Variants in UFL1 observed in about 807,000 individuals in gnomAD.
UFL1 encodes UFM1 specific ligase 1, also known as E3 UFM1-protein ligase 1.
A neutral mutation model predicts 99.3 loss-of-function variants in UFL1; 78 were observed. That is an observed-to-expected ratio of 0.79 (90% CI 0.65 to 0.95). The LOEUF (loss-of-function observed/expected upper bound fraction) is 0.95. Among genes scored for constraint, UFL1 ranks in the 40% least tolerant of loss-of-function variants. The pLI is 0.00. For synonymous variants in UFL1, 335 were observed against 322.2 expected (o/e 1.04, Z -0.42); for missense variants, 936 against 937.0 (o/e 1.00, Z 0.01).
intron 10 of UFL1, 96 bp downstream of exon 10, chr6:96,538,906 A>C: frequency 9.5e-7 from 1 of 1,054,500 alleles, no homozygotes; most frequent in Non-Finnish European, 1.3e-6. Flanking sequence ...GAAAGTGAAC[A>C]CTTTGTATCA....
At chr6:96,551,390 G>C (rs1770077317) in intron 15 of UFL1, 43 bp from the exon 16 acceptor site, 1 of 1,110,146 alleles carries the variant, frequency 9.0e-7, no homozygotes, top group Non-Finnish European at 1.3e-6. Context: ...TCCATTGCAT[G>C]TCAAAAGCAC....
intron 3 of UFL1, 92 bp from the exon 4 acceptor site, chr6:96,525,205 A>G: frequency 9.7e-7 from 1 of 1,027,962 alleles, no homozygotes; most frequent in Non-Finnish European, 1.4e-6. Context: ...CCTGGCCGGC[A>G]ATTTCTTTAA....
chr6:96,541,148 C>A (rs532822331), intron 11 of UFL1, among the ~76,000 whole-genome samples: 127 of 151,508 alleles, frequency 8.4e-4, no homozygotes, highest in Non-Finnish European at 1.5e-3. Flanking sequence ...CAGTCACTCT[C>A]TGCCACCTCA....
intron 4 of UFL1, 73 bp downstream of exon 4, chr6:96,525,467 A>C: frequency 8.6e-7 from 1 of 1,162,904 alleles, no homozygotes; most frequent in Non-Finnish European, 1.3e-6. Context: ...GTTTAAATTT[A>C]GGCCAATTAT....
intron 17 of UFL1, 63 bp from the exon 18 acceptor site, chr6:96,552,419 T>C: frequency 1.4e-6 from 2 of 1,461,252 alleles, no homozygotes; most frequent in Non-Finnish European, 9.0e-7. Flanking sequence ...AAGGGATGAA[T>C]TGAAATTGGT....
At chr6:96,549,622 T>C (rs1159904010) in intron 14 of UFL1, 44 bp downstream of exon 14, 2 of 1,589,300 alleles carry the variant, frequency 1.3e-6, no homozygotes, top group African/African-American at 2.7e-5. Context: ...TTGATTTTCA[T>C]AATTTGGGGA....
chr6:96,523,507 T>G lies in UFL1; in HGVS notation c.223+216T>G, dbSNP rs1562249761. Reference sequence around the variant, plus strand: ...ACTCAAATGTTGTCACTTAAAATATTTTATCATTTTGAGTTATGTGTACTA... The same window carrying G: ...ACTCAAATGTTGTCACTTAAAATATGTTATCATTTTGAGTTATGTGTACTA... On this transcript the variant is annotated intron_variant, in intron 2 of 18. Transcript: ENST00000369278. Among the ~76,000 whole-genome samples the G allele has an allele frequency of 2.0e-5, 3 of 152,216 alleles. No homozygotes were observed. In the East Asian group the frequency reaches 5.8e-4, roughly 29 times the overall value.
chr6:96,524,433 T>A (rs764020173), intron 3 of UFL1, 23 bp downstream of exon 3: 52 of 1,563,106 alleles, frequency 3.3e-5, no homozygotes, highest in Non-Finnish European at 4.4e-5. Context: ...TTTATAAAAT[T>A]TTTGCTTTAC....
intron 6 of UFL1, among the ~76,000 whole-genome samples, chr6:96,532,044 A>T (rs931855864): frequency 6.6e-6 from 1 of 152,190 alleles, no homozygotes; most frequent in Admixed American, 6.5e-5. Flanking sequence ...ATTTCTTGTT[A>T]TCATGGATAG....
chr6:96,531,346 G>A (rs554631954), intron 6 of UFL1, among the ~76,000 whole-genome samples: 6 of 152,150 alleles, frequency 3.9e-5, no homozygotes, highest in South Asian at 2.1e-4. Context: ...GTCCAATACC[G>A]TAAGTTTCAT....
In UFL1 at chr6:96,552,678, T is replaced by C. The variant is rs746337605; in HGVS notation, c.2166+16T>C. 12 of 1,577,710 alleles carry C rather than the reference T, an allele frequency of 7.6e-6. No individual in the cohort carries two copies. The highest frequency in any genetic ancestry group is 1.0e-5 in the Non-Finnish European group (12 of 1,166,926). ...AATTCCAGAGGTATTACATTTTCAA[T>C]ACACTTGAAACTTTCAAAGATTTAC... On this transcript the variant is annotated intron_variant, in intron 18 of 18. Coordinates refer to ENST00000369278, the MANE Select transcript of UFL1 (RefSeq NM_015323.5).
At chr6:96,533,475 G>C (rs1301464114) in intron 6 of UFL1, among the ~76,000 whole-genome samples, 1 of 152,002 alleles carries the variant, frequency 6.6e-6, no homozygotes, top group African/African-American at 2.4e-5. Context: ...CAAAAACACA[G>C]AAAGGAGACC....
At chr6:96,533,039 AATC>A (rs1769803551) in intron 6 of UFL1, among the ~76,000 whole-genome samples, 1 of 152,144 alleles carries the variant, frequency 6.6e-6, no homozygotes, top group Non-Finnish European at 1.5e-5. Context: ...TATTCTAAAT[AATC>A]AACAATGGAG....
chr6:96,527,313 T>C (rs1769718464), intron 5 of UFL1, among the ~76,000 whole-genome samples: 2 of 152,246 alleles, frequency 1.3e-5, no homozygotes, highest in Middle Eastern at 3.4e-3. Flanking sequence ...ACAGGAAATA[T>C]TGTCTTTTTT....
chr6:96,534,405 C>T (rs1175654617), intron 7 of UFL1, 84 bp downstream of exon 7: 25 of 1,100,442 alleles, frequency 2.3e-5, no homozygotes, highest in Middle Eastern at 5.6e-4. Flanking sequence ...ATGTTTTTTC[C>T]TCTTTTATTG....
chr6:96,528,448 A>C (rs970315379), intron 5 of UFL1, 54 bp from the exon 6 acceptor site: 121 of 1,582,830 alleles, frequency 7.6e-5, no homozygotes, highest in Non-Finnish European at 1.0e-4. Flanking sequence ...ATGCAAATGC[A>C]TATGTGTAAT....
At chr6:96,535,493 AGTC>A (rs1458389960) in intron 7 of UFL1, among the ~76,000 whole-genome samples, 114 of 152,110 alleles carry the variant, frequency 7.5e-4, no homozygotes, top group African/African-American at 2.7e-3. Context: ...TTTATTATTG[AGTC>A]TTTATTATAT....
rs916299754 is a variant in UFL1, at chr6:96,554,822, T to C, written c.*1319T>C. 3 of 152,552 alleles carry C rather than the reference T, an allele frequency of 2.0e-5. No homozygotes were observed. Among genetic ancestry groups the C allele is most frequent in the Non-Finnish European group, 2.9e-5 (2 of 67,988 alleles). The allele number at this position is 152,552 out of a possible 1,614,324, so 9.4% of individuals were successfully genotyped here. A position where few individuals can be genotyped will look rare whatever the true frequency, so the allele number is the denominator to read the frequency against. On this transcript the variant is annotated 3_prime_UTR_variant, in exon 19 of 19. Transcript: ENST00000369278. ...TTTAAAAATGTTTTCCCGTGGGTAA[T>C]TTTCTATTATATATTTTCATATGGG...
intron 5 of UFL1, among the ~76,000 whole-genome samples, chr6:96,528,143 GCT>G (rs924751451): frequency 6.6e-6 from 1 of 152,092 alleles, no homozygotes; most frequent in Non-Finnish European, 1.5e-5. Flanking sequence ...GTATGTCTTG[GCT>G]CTCTATATAT....
Sources: gnomAD v4.1 joint callset for allele counts (sites outside exome capture counted in the v4.1 genomes callset) on GRCh38, gnomAD v4.1.1 for gene constraint, MANE v1.5 for transcripts, NCBI Gene and HGNC (gene_info 2026-07-23, HGNC 2026-07-21) for gene names.